The following GALNTL6 variants were observed in gnomAD, a reference collection of about 807,000 sequenced individuals.
The protein encoded by GALNTL6 is polypeptide N-acetylgalactosaminyltransferase-like 6.
In GALNTL6, 46 loss-of-function variants were observed where a neutral mutation model predicts 73.7. The observed-to-expected ratio is 0.62, with a 90% CI of 0.49 to 0.80. GALNTL6 has a LOEUF of 0.80. Among genes scored for constraint, GALNTL6 ranks in the 30% least tolerant of loss-of-function variants. The pLI is 0.00. For synonymous variants in GALNTL6, 259 were observed against 263.7 expected (o/e 0.98, Z 0.17); for missense variants, 604 against 755.0 (o/e 0.80, Z 2.34).
At chr4:172,618,985 G>A (rs1214821695) in intron 5 of GALNTL6, among the ~76,000 whole-genome samples, 1 of 152,090 alleles carries the variant, frequency 6.6e-6, no homozygotes, top group Non-Finnish European at 1.5e-5. Context: ...GCCTTCCAAG[G>A]TGCTGGGATT....
intron 5 of GALNTL6, among the ~76,000 whole-genome samples, chr4:172,466,878 T>C (rs1732842524): frequency 6.6e-6 from 1 of 152,128 alleles, no homozygotes; most frequent in African/African-American, 2.4e-5. Flanking sequence ...ATAGACCTCC[T>C]CTGAAAGGTT....
chr4:171,924,347 TA>T lies in GALNTL6; in HGVS notation c.138+109635del, dbSNP rs567726012. On this transcript the variant is annotated intron_variant, in intron 2 of 12. Coordinates refer to ENST00000506823, the MANE Select transcript of GALNTL6 (RefSeq NM_001034845.3). Reference sequence around the variant, plus strand: ...TTTCACAGGAGCATGAGAGATTTGCTAAAAAAGTGACATTTGTGCAAAAACG... The same window carrying T: ...TTTCACAGGAGCATGAGAGATTTGCTAAAAAGTGACATTTGTGCAAAAACG... Among the ~76,000 whole-genome samples, 43 of 152,142 alleles carry T rather than the reference TA, an allele frequency of 2.8e-4. 1 individual carries two copies. The South Asian group carries it at 8.9e-3, about 32-fold the overall frequency.
intron 5 of GALNTL6, among the ~76,000 whole-genome samples, chr4:172,644,170 C>A (rs1012367351): frequency 3.3e-5 from 5 of 151,738 alleles, no homozygotes; most frequent in Non-Finnish European, 7.4e-5. Context: ...ATGCACACAT[C>A]TTTATTGAGC....
chr4:172,040,230 A>G (rs919111634), intron 2 of GALNTL6, among the ~76,000 whole-genome samples: 1 of 152,120 alleles, frequency 6.6e-6, no homozygotes, highest in Non-Finnish European at 1.5e-5. Context: ...TTGTGTATCA[A>G]TAACCAACAA....
At chr4:171,910,106 A>T (rs184696141) in intron 2 of GALNTL6, among the ~76,000 whole-genome samples, 1 of 152,280 alleles carries the variant, frequency 6.6e-6, no homozygotes, top group African/African-American at 2.4e-5. Context: ...TTCTAGAAAC[A>T]CTTAGCTAGC....
intron 2 of GALNTL6, among the ~76,000 whole-genome samples, chr4:171,950,989 C>A (rs890116125): frequency 1.3e-5 from 2 of 151,820 alleles, no homozygotes; most frequent in Non-Finnish European, 2.9e-5. Flanking sequence ...AAAAGCAGGA[C>A]ACATGGAAAG....
intron 2 of GALNTL6, among the ~76,000 whole-genome samples, chr4:172,138,960 T>C (rs1392452617): frequency 6.6e-6 from 1 of 152,130 alleles, no homozygotes; most frequent in African/African-American, 2.4e-5. Context: ...CAATATTTCC[T>C]CTAACATATA....
chr4:172,521,998 A>C (rs1284966819), intron 5 of GALNTL6, among the ~76,000 whole-genome samples: 1 of 152,192 alleles, frequency 6.6e-6, no homozygotes, highest in African/African-American at 2.4e-5. Context: ...ACTGAAATTA[A>C]GTGTCCCAGA....
At chr4:173,002,976 A>C (rs1752114318) in intron 10 of GALNTL6, among the ~76,000 whole-genome samples, 1 of 152,256 alleles carries the variant, frequency 6.6e-6, no homozygotes, top group South Asian at 2.1e-4. Context: ...TTGGGGGAGA[A>C]GGGGAAGTAG....
intron 3 of GALNTL6, among the ~76,000 whole-genome samples, chr4:172,297,430 C>T (rs1739723609): frequency 6.6e-6 from 1 of 152,096 alleles, no homozygotes; most frequent in Admixed American, 6.5e-5. Context: ...AGTCCTTGCC[C>T]ATGCCTATGT....
chr4:172,097,193 CTGTT>C (rs1182682454), intron 2 of GALNTL6, among the ~76,000 whole-genome samples: 1 of 152,152 alleles, frequency 6.6e-6, no homozygotes, highest in Non-Finnish European at 1.5e-5. Flanking sequence ...TTTGTAATCT[CTGTT>C]TGGAGTCATT....
intron 7 of GALNTL6, among the ~76,000 whole-genome samples, chr4:172,863,409 G>A (rs185332807): frequency 6.6e-6 from 1 of 152,148 alleles, no homozygotes; most frequent in Non-Finnish European, 1.5e-5. Flanking sequence ...AGGCGGAGCT[G>A]CCCAAGGCTG....
intron 5 of GALNTL6, among the ~76,000 whole-genome samples, chr4:172,722,723 A>G (rs1735556527): frequency 1.3e-5 from 2 of 152,210 alleles, no homozygotes; most frequent in African/African-American, 4.8e-5. Flanking sequence ...GGCAAAAAGG[A>G]AACAGTATGC....
rs114755477 is a variant in GALNTL6, at chr4:171,864,484, G to A, written c.138+49766G>A. Among the ~76,000 whole-genome samples, 430 of 152,208 alleles carry A rather than the reference G, an allele frequency of 2.8e-3. 2 individuals are homozygous for A. Among genetic ancestry groups the A allele is most frequent in the African/African-American group, 0.01 (417 of 41,532 alleles). On this transcript the variant is annotated intron_variant, in intron 2 of 12. Coordinates refer to ENST00000506823, the MANE Select transcript of GALNTL6 (RefSeq NM_001034845.3). ...GGGTACATACAGATTAAACAAGAAG[G>A]TATGTCTATAGTGTAACAAAATAAC...
At chr4:171,852,916 G>A (rs146149145) in intron 2 of GALNTL6, among the ~76,000 whole-genome samples, 5,934 of 151,790 alleles carry the variant, frequency 0.039, 143 homozygotes, top group Middle Eastern at 0.068. Flanking sequence ...GCCCGATCTC[G>A]GCTCACTGCA....
chr4:172,063,120 A>G (rs1731258507), intron 2 of GALNTL6, among the ~76,000 whole-genome samples: 1 of 152,164 alleles, frequency 6.6e-6, no homozygotes, highest in African/African-American at 2.4e-5. Context: ...AAGTCCTTTT[A>G]TGCATCTTAG....
intron 2 of GALNTL6, among the ~76,000 whole-genome samples, chr4:171,956,714 C>A (rs1035415930): frequency 2.0e-5 from 3 of 152,098 alleles, no homozygotes; most frequent in Non-Finnish European, 2.9e-5. Flanking sequence ...TATGCATTGA[C>A]TTTATTGTTG....
intron 2 of GALNTL6, among the ~76,000 whole-genome samples, chr4:172,038,227 G>T (rs1741991720): frequency 6.6e-6 from 1 of 151,718 alleles, no homozygotes; most frequent in Admixed American, 6.6e-5. Flanking sequence ...TCTTTCTCTT[G>T]TTTTTTCCTG....
intron 5 of GALNTL6, among the ~76,000 whole-genome samples, chr4:172,482,204 C>T (rs905530494): frequency 2.6e-5 from 4 of 152,206 alleles, no homozygotes; most frequent in Admixed American, 6.5e-5. Context: ...CCGGAACTCG[C>T]GCTGGCCCAG....
Sources: allele counts gnomAD v4.1 joint callset (sites outside exome capture counted in the v4.1 genomes callset), GRCh38; gene constraint gnomAD v4.1.1; transcripts MANE v1.5; gene names NCBI Gene and HGNC (gene_info 2026-07-23, HGNC 2026-07-21).